UGT2A3: variants seen among roughly 807,000 people sequenced by gnomAD.
UGT2A3 encodes UDP-glucuronosyltransferase 2A3.
In UGT2A3, 55 loss-of-function variants were observed where a neutral mutation model predicts 44.1. The ratio of observed to expected loss-of-function variants is 1.25; its 90% CI spans 1.00 to 1.56. UGT2A3 has a LOEUF of 1.56. UGT2A3 is among the 40% of genes most tolerant of loss of function. UGT2A3 has a pLI of 0.00. For synonymous variants in UGT2A3, 243 were observed against 215.1 expected, an observed-to-expected ratio of 1.13 and a Z score of -1.13; for missense variants, 733 against 621.6, an observed-to-expected ratio of 1.18 and a Z score of -1.91.
intron 2 of UGT2A3, among the ~76,000 whole-genome samples, chr4:68,934,510 C>T (rs1007530267): frequency 5.3e-4 from 80 of 151,858 alleles, no homozygotes; most frequent in African/African-American, 1.7e-3. Context: ...AAAGCTTTAG[C>T]AAGGTAACTG....
chr4:68,937,445 C>T (rs889524924), intron 2 of UGT2A3, among the ~76,000 whole-genome samples: 1 of 152,054 alleles, frequency 6.6e-6, no homozygotes, highest in African/African-American at 2.4e-5. Context: ...ACTGAGTAAC[C>T]TGCACCTGAA....
At chr4:68,948,247 T>C (rs1718452104) in intron 1 of UGT2A3, among the ~76,000 whole-genome samples, 1 of 151,750 alleles carries the variant, frequency 6.6e-6, no homozygotes, top group Non-Finnish European at 1.5e-5. Context: ...TTGCATCATG[T>C]AGGCAGTTTA....
intron 1 of UGT2A3, 52 bp from the exon 2 acceptor site, chr4:68,945,506 T>C (rs772586993): frequency 3.7e-5 from 54 of 1,478,782 alleles, no homozygotes; most frequent in Non-Finnish European, 4.8e-5. Flanking sequence ...AATAAAAAAT[T>C]GTATCACTAA....
intron 4 of UGT2A3, 95 bp downstream of exon 4, chr4:68,931,060 T>G: frequency 9.7e-7 from 1 of 1,030,594 alleles, no homozygotes. Context: ...AAATAAAGTT[T>G]TATAATTTTA....
At chr4:68,939,258 A>G (rs964783506) in intron 2 of UGT2A3, among the ~76,000 whole-genome samples, 3 of 152,208 alleles carry the variant, frequency 2.0e-5, no homozygotes, top group African/African-American at 7.2e-5. Context: ...CTAAGCAAAA[A>G]GAACAAAGCT....
intron 2 of UGT2A3, among the ~76,000 whole-genome samples, chr4:68,937,392 T>C (rs1404138132): frequency 6.6e-6 from 1 of 152,102 alleles, no homozygotes; most frequent in African/African-American, 2.4e-5. Context: ...AAATTAGAAC[T>C]CAGGATTAAG....
chr4:68,951,660 C>T lies in UGT2A3; in HGVS notation c.101G>A (p.Ser34Asn), dbSNP rs1161210661. Residue 34 changes from serine (S) to asparagine (N), a missense_variant, in exon 1 of 6, where the codon AGC becomes AAC. Physicochemically the swap from Ser to Asn is conservative, Grantham distance 46. Coordinates refer to ENST00000251566, the MANE Select transcript of UGT2A3 (RefSeq NM_024743.4). Reference protein sequence around the residue: ...GKVLVWPCDMSHWLNVKVILE... With the variant: ...GKVLVWPCDMNHWLNVKVILE... ...AATGACCTTGACATTAAGCCAATGG[C>T]TCATGTCACAGGGCCACACCAGGAC... 8.7e-6 allele frequency: 14 copies of T among 1,612,178 alleles called. No individual in the cohort carries two copies. The highest frequency in any genetic ancestry group is 1.1e-5 in the Non-Finnish European group (13 of 1,179,350).
rs1717671072 is a variant in UGT2A3, at chr4:68,930,080, A to C, written c.1317T>G (p.Asn439Lys). The C allele has an allele frequency of 6.2e-7, 1 of 1,609,154 alleles. No homozygotes were observed. Among genetic ancestry groups the C allele is most frequent in the Admixed American group, 1.7e-5 (1 of 59,356 alleles). Reference sequence around the variant, plus strand: ...GGTGAATTCTTGATAATCTCATAGCATTCTCTTTATAACTGGAAGGGAAAA... The same window carrying C: ...GGTGAATTCTTGATAATCTCATAGCCTTCTCTTTATAACTGGAAGGGAAAA... ...TVITDSSYKE[N>K]AMRLSRIHHD... Residue 439 changes from asparagine to lysine, a missense_variant, in exon 6 of 6, where the codon AAT (asparagine) becomes AAG (lysine). Transcript: ENST00000251566.
chr4:68,939,172 T>G (rs1285335626), intron 2 of UGT2A3, among the ~76,000 whole-genome samples: 1 of 152,178 alleles, frequency 6.6e-6, no homozygotes, highest in Non-Finnish European at 1.5e-5. Flanking sequence ...TACCGATGGC[T>G]TTCTTCACAG....
intron 1 of UGT2A3, among the ~76,000 whole-genome samples, chr4:68,946,753 C>T (rs1027728604): frequency 1.5e-4 from 23 of 151,562 alleles, no homozygotes; most frequent in Admixed American, 2.6e-4. Flanking sequence ...ACACACATAT[C>T]TTGGAGATAT....
At chr4:68,948,999 G>T (rs1343744263) in intron 1 of UGT2A3, among the ~76,000 whole-genome samples, 3 of 151,788 alleles carry the variant, frequency 2.0e-5, no homozygotes, top group Non-Finnish European at 4.4e-5. Flanking sequence ...TGAGAGATAT[G>T]CAAGAGAAAG....
chr4:68,944,243 G>T (rs747890158), intron 2 of UGT2A3, among the ~76,000 whole-genome samples: 2 of 151,690 alleles, frequency 1.3e-5, no homozygotes, highest in Admixed American at 6.6e-5. Context: ...GAGACACAGT[G>T]GTGTCTTCCA....
In UGT2A3 at chr4:68,935,349, C is replaced by T. The variant is rs144558033; in HGVS notation, c.865-2590G>A. ...TATATTTGCTTCCAGAGGAAGAATC[C>T]AGCAGCAATATTTGCTGTTCTGCAG... is the stretch of plus-strand genomic sequence containing the variant. On this transcript the variant is annotated intron_variant, in intron 2 of 5. Coordinates refer to ENST00000251566, the MANE Select transcript of UGT2A3 (RefSeq NM_024743.4). 4.6e-3 allele frequency among the ~76,000 whole-genome samples: 621 copies of T among 133,992 alleles called. 20 individuals carry two copies. In the South Asian group the frequency reaches 0.059, roughly 13 times the overall value. 87.9% of individuals were successfully genotyped at this position (133,992 alleles called of 152,430 possible). A position where few individuals can be genotyped will look rare whatever the true frequency, so the allele number is the denominator to read the frequency against.
intron 2 of UGT2A3, among the ~76,000 whole-genome samples, chr4:68,938,293 T>C (rs1718032903): frequency 6.6e-6 from 1 of 152,044 alleles, no homozygotes; most frequent in Admixed American, 6.6e-5. Context: ...GGAATATCAC[T>C]GCAAAAACCC....
chr4:68,937,123 T>C (rs1036853160), intron 2 of UGT2A3, among the ~76,000 whole-genome samples: 3 of 151,932 alleles, frequency 2.0e-5, no homozygotes, highest in Non-Finnish European at 2.9e-5. Context: ...ATGGGAGACT[T>C]TAACACCCCA....
chr4:68,947,453 A>G (rs1718419872), intron 1 of UGT2A3, among the ~76,000 whole-genome samples: 1 of 151,726 alleles, frequency 6.6e-6, no homozygotes, highest in Non-Finnish European at 1.5e-5. Flanking sequence ...TGACCACCCC[A>G]TCCCCAGTTA....
chr4:68,939,164 C>A (rs1577850591), intron 2 of UGT2A3, among the ~76,000 whole-genome samples: 1 of 152,240 alleles, frequency 6.6e-6, no homozygotes, highest in Non-Finnish European at 1.5e-5. Flanking sequence ...CATCAAGCTA[C>A]CGATGGCTTT....
chr4:68,947,997 G>T (rs907468353), intron 1 of UGT2A3, among the ~76,000 whole-genome samples: 1 of 151,730 alleles, frequency 6.6e-6, no homozygotes, highest in African/African-American at 2.4e-5. Flanking sequence ...AAGTAAATGG[G>T]CATTGGCTTT....
chr4:68,932,517 C>T (rs1717772927), intron 3 of UGT2A3, 111 bp downstream of exon 3: 1 of 1,335,464 alleles, frequency 7.5e-7, no homozygotes, highest in Admixed American at 2.3e-5. Context: ...TAATGTTTTG[C>T]AAATTTTGGT....
Sources: gnomAD v4.1 joint callset for allele counts (sites outside exome capture counted in the v4.1 genomes callset) on GRCh38, gnomAD v4.1.1 for gene constraint, MANE v1.5 for transcripts, NCBI Gene and HGNC (gene_info 2026-07-23, HGNC 2026-07-21) for gene names.